Variants in ZPBP observed in about 807,000 individuals in gnomAD.
ZPBP encodes the protein zona pellucida-binding protein 1.
Under a neutral mutation model 44.8 loss-of-function variants are expected in ZPBP, and 26 were observed. The ratio of observed to expected loss-of-function variants is 0.58; its 90% CI spans 0.43 to 0.81. ZPBP has a LOEUF of 0.81. ZPBP is among the 30% of genes least tolerant of loss of function. The pLI is 0.00. For synonymous variants in ZPBP, 174 were observed against 153.2 expected (o/e 1.14, Z -1.00); for missense variants, 409 against 434.0 (o/e 0.94, Z 0.51).
intron 2 of ZPBP, among the ~76,000 whole-genome samples, chr7:49,863,604 G>C (rs374085620): frequency 3.3e-5 from 5 of 151,982 alleles, no homozygotes; most frequent in African/African-American, 1.2e-4. Flanking sequence ...GATAAATTTT[G>C]TATTTTGTGT....
At chr7:49,972,725 C>A (rs112470250) in intron 7 of ZPBP, among the ~76,000 whole-genome samples, 1 of 151,948 alleles carries the variant, frequency 6.6e-6, no homozygotes, top group Non-Finnish European at 1.5e-5. Context: ...AAATAGGAAA[C>A]CTCATCCTAA....
intron 5 of ZPBP, among the ~76,000 whole-genome samples, chr7:50,019,745 T>A (rs1036056337): frequency 1.3e-5 from 2 of 152,076 alleles, no homozygotes; most frequent in African/African-American, 2.4e-5. Context: ...TCTGAGTTGA[T>A]ATTATGAGGT....
chr7:49,970,187 C>A (rs1796241338), intron 7 of ZPBP, among the ~76,000 whole-genome samples: 1 of 152,030 alleles, frequency 6.6e-6, no homozygotes, highest in Non-Finnish European at 1.5e-5. Flanking sequence ...AAAGAAAAAT[C>A]AAATAATGAT....
At chr7:49,859,368 C>T (rs1215597650) in intron 2 of ZPBP, among the ~76,000 whole-genome samples, 1 of 152,094 alleles carries the variant, frequency 6.6e-6, no homozygotes, top group Non-Finnish European at 1.5e-5. Flanking sequence ...GGTAACAAGG[C>T]TGTTCTCATA....
At chr7:49,902,123 T>C (rs1419221373) in intron 1 of ZPBP, among the ~76,000 whole-genome samples, 1 of 151,784 alleles carries the variant, frequency 6.6e-6, no homozygotes, top group Non-Finnish European at 1.5e-5. Flanking sequence ...TAGCTTTGGG[T>C]TTGGTGATGA....
intron 2 of ZPBP, among the ~76,000 whole-genome samples, chr7:49,880,687 TGGGGGAA>T (rs1036045116): frequency 6.6e-6 from 1 of 151,846 alleles, no homozygotes; most frequent in Non-Finnish European, 1.5e-5. Context: ...TGTTGTGGGA[TGGGGGAA>T]GGGGGAAGGG....
chr7:50,030,750 C>T (rs572229104), intron 5 of ZPBP, among the ~76,000 whole-genome samples: 9 of 152,234 alleles, frequency 5.9e-5, no homozygotes, highest in Admixed American at 2.0e-4. Context: ...CTAAGCTGGA[C>T]GGTTCCTCTG....
intron 2 of ZPBP, among the ~76,000 whole-genome samples, chr7:49,894,892 C>T (rs538750761): frequency 7.5e-4 from 114 of 152,304 alleles, no homozygotes; most frequent in Middle Eastern, 3.4e-3. Flanking sequence ...CAGCAGTAGG[C>T]GCCGAACACA....
At chr7:50,086,593 T>C (rs890834742) in intron 2 of ZPBP, among the ~76,000 whole-genome samples, 3 of 151,838 alleles carry the variant, frequency 2.0e-5, no homozygotes, top group African/African-American at 7.3e-5. Flanking sequence ...AAGGAATCAA[T>C]AGCAAACTGA....
intron 2 of ZPBP, among the ~76,000 whole-genome samples, chr7:49,886,828 C>CA (rs1791924733): frequency 6.6e-6 from 1 of 152,126 alleles, no homozygotes; most frequent in Non-Finnish European, 1.5e-5. Flanking sequence ...TGCTTTTAAT[C>CA]AAAAATATTT....
chr7:50,065,243 C>A (rs1305716063), intron 3 of ZPBP, among the ~76,000 whole-genome samples: 1 of 138,596 alleles, frequency 7.2e-6, no homozygotes, highest in African/African-American at 2.8e-5. Context: ...TTTTAACACA[C>A]ATGCCCTCAT....
At chr7:49,904,961 C>G (rs930513653) in intron 1 of ZPBP, among the ~76,000 whole-genome samples, 1 of 151,996 alleles carries the variant, frequency 6.6e-6, no homozygotes, top group African/African-American at 2.4e-5. Context: ...GTCTTGAACT[C>G]CTGACCTCAT....
At position 49,864,119 on chromosome 7, in the gene ZPBP, T is replaced by C. The variant is rs185538580; in HGVS notation, n.510-13605A>G. 2.4e-4 allele frequency among the ~76,000 whole-genome samples: 37 copies of C among 152,306 alleles called. 3 individuals carry two copies. The East Asian group carries it at 7.1e-3, about 29-fold the overall frequency. On this transcript the variant is annotated intron_variant and non_coding_transcript_variant, in intron 2 of 2. Transcript: ENST00000465922. ...GCGGGCTGTGATTGTTTGTCTGTTTTGTGACTTTTCTTAACTATTTTTCAG... is the reference window on the plus strand; with the variant it reads ...GCGGGCTGTGATTGTTTGTCTGTTTCGTGACTTTTCTTAACTATTTTTCAG...
rs1236756119 is a variant in ZPBP, at chr7:49,937,638, A to G, written c.962-16T>C. On this transcript the variant is annotated splice_polypyrimidine_tract_variant and intron_variant, in intron 7 of 7. Transcript: ENST00000046087. Reference sequence around the variant, plus strand: ...CTGCAGATCACTGTGAAAAAAGAGTAAGTTAATAAGTAGTATTTTCCTAAT... The same window carrying G: ...CTGCAGATCACTGTGAAAAAAGAGTGAGTTAATAAGTAGTATTTTCCTAAT... The G allele has an allele frequency of 6.3e-7, 1 of 1,585,958 alleles. No individual in the cohort carries two copies. The highest frequency in any genetic ancestry group is 1.1e-5 in the South Asian group (1 of 90,470).
chr7:50,051,601 C>T (rs1250266693), intron 4 of ZPBP, among the ~76,000 whole-genome samples: 2 of 152,102 alleles, frequency 1.3e-5, no homozygotes, highest in African/African-American at 4.8e-5. Context: ...AAATGTGATA[C>T]ACATACACCA....
chr7:50,007,083 AACC>A (rs1798344901), intron 6 of ZPBP, among the ~76,000 whole-genome samples: 2 of 151,896 alleles, frequency 1.3e-5, no homozygotes, highest in South Asian at 4.2e-4. Flanking sequence ...TGTGAGAACC[AACC>A]AAGAGAAGGC....
chr7:49,951,625 T>C (rs958639889), intron 7 of ZPBP, among the ~76,000 whole-genome samples: 7 of 151,200 alleles, frequency 4.6e-5, no homozygotes, highest in South Asian at 2.1e-4. Context: ...ACTAATGGGA[T>C]TGTAAAATGG....
At position 49,948,215 on chromosome 7, in the gene ZPBP, C is replaced by T. The variant is rs527636350; in HGVS notation, c.962-10593G>A. ...CACAAAGCTGGTATCCAAGCTAATG[C>T]TTGATTCTTATGAAGGTGCTTTTTT... On this transcript the variant is annotated intron_variant, in intron 7 of 7. Transcript: ENST00000046087. 5.9e-5 allele frequency among the ~76,000 whole-genome samples: 9 copies of T among 152,286 alleles called. No individual in the cohort carries two copies. The South Asian group carries it at 1.7e-3, about 28-fold the overall frequency.
chr7:49,871,239 A>C (rs527550322), intron 2 of ZPBP, among the ~76,000 whole-genome samples: 3 of 152,354 alleles, frequency 2.0e-5, no homozygotes, highest in Admixed American at 2.0e-4. Flanking sequence ...ACAGCCTTCC[A>C]TGTAAAAAAT....
Sources: allele counts gnomAD v4.1 joint callset (sites outside exome capture counted in the v4.1 genomes callset), GRCh38; gene constraint gnomAD v4.1.1; transcripts MANE v1.5; gene names NCBI Gene and HGNC (gene_info 2026-07-23, HGNC 2026-07-21).